Variants in SLC35D4 observed in about 807,000 individuals in gnomAD.
The protein encoded by SLC35D4 is UDP-N-acetylglucosamine transporter SLC35D4.
the SLC35D4 span, among the ~76,000 whole-genome samples, chr18:23,357,081 T>C: frequency 0.01 from 1,523 of 152,294 alleles, 23 homozygotes; most frequent in African/African-American, 0.036. Flanking sequence ...GTCTCCTCTC[T>C]ACCAGGCAGC....
chr18:23,271,176 G>T, the SLC35D4 span, among the ~76,000 whole-genome samples: 527 of 152,296 alleles, frequency 3.5e-3, 4 homozygotes, highest in African/African-American at 0.012. Flanking sequence ...TTTATAAGGG[G>T]AAGTTCCCCT....
chr18:23,276,093 C>CT, the SLC35D4 span, among the ~76,000 whole-genome samples: 4,834 of 148,768 alleles, frequency 0.032, 245 homozygotes, highest in African/African-American at 0.11. Flanking sequence ...AAAAGGGCAC[C>CT]TTTTTTTTTT....
chr18:23,362,597 TCAAA>T, the SLC35D4 span, among the ~76,000 whole-genome samples: 8 of 151,918 alleles, frequency 5.3e-5, no homozygotes, highest in South Asian at 4.2e-4. Context: ...AGACTCTGTC[TCAAA>T]CAAACAAACA....
At chr18:23,356,567 C>T in the SLC35D4 span, 4 of 1,612,178 alleles carry the variant, frequency 2.5e-6, no homozygotes, top group South Asian at 1.1e-5. The surrounding 1 kb of genome is among the most constrained non-coding windows in gnomAD (Gnocchi z 4.1). Flanking sequence ...GCACAGAAAG[C>T]ATACAAATGA....
chr18:23,343,072 G>A, the SLC35D4 span, among the ~76,000 whole-genome samples: 27 of 151,924 alleles, frequency 1.8e-4, no homozygotes, highest in African/African-American at 4.1e-4. Flanking sequence ...ACAGGCGTGC[G>A]CCACCACACC....
At chr18:23,276,874 C>T in the SLC35D4 span, among the ~76,000 whole-genome samples, 3 of 152,186 alleles carry the variant, frequency 2.0e-5, no homozygotes, top group African/African-American at 2.4e-5. Flanking sequence ...ACACGACATG[C>T]ACTCTGCAGG....
the SLC35D4 span, among the ~76,000 whole-genome samples, chr18:23,280,060 A>G: frequency 6.6e-6 from 1 of 152,346 alleles, no homozygotes; most frequent in South Asian, 2.1e-4. Flanking sequence ...CAGCCCTAGG[A>G]AATGAATCCA....
chr18:23,255,890 ATATT>A, the SLC35D4 span, among the ~76,000 whole-genome samples: 2 of 152,132 alleles, frequency 1.3e-5, no homozygotes, highest in Non-Finnish European at 2.9e-5. Context: ...GATGTAACAG[ATATT>A]TATAAAATTA....
the SLC35D4 span, among the ~76,000 whole-genome samples, chr18:23,250,544 T>C: frequency 6.6e-6 from 1 of 152,220 alleles, no homozygotes; most frequent in African/African-American, 2.4e-5. Context: ...AAATAGAGCC[T>C]TTCTTAAAAG....
At chr18:23,244,613 C>A in the SLC35D4 span, among the ~76,000 whole-genome samples, 1 of 152,340 alleles carries the variant, frequency 6.6e-6, no homozygotes, top group African/African-American at 2.4e-5. Context: ...CAGCTGCTTT[C>A]CAGTGCCCAG....
the SLC35D4 span, among the ~76,000 whole-genome samples, chr18:23,350,226 C>A: frequency 6.6e-6 from 1 of 152,338 alleles, no homozygotes; most frequent in Admixed American, 6.5e-5. Flanking sequence ...TAAGCTACAG[C>A]TGCTGATGTC....
At chr18:23,334,815 C>T in the SLC35D4 span, among the ~76,000 whole-genome samples, 1 of 151,896 alleles carries the variant, frequency 6.6e-6, no homozygotes, top group Non-Finnish European at 1.5e-5. Context: ...CCAGCCTGGC[C>T]AACATGGTAA....
At chr18:23,422,032 C>T in the SLC35D4 span, among the ~76,000 whole-genome samples, 2,478 of 152,162 alleles carry the variant, frequency 0.016, 76 homozygotes, top group African/African-American at 0.057. Flanking sequence ...GCCACTGCTT[C>T]TCCCACTGCC....
At chr18:23,313,695 C>T in the SLC35D4 span, among the ~76,000 whole-genome samples, 1 of 152,214 alleles carries the variant, frequency 6.6e-6, no homozygotes, top group Non-Finnish European at 1.5e-5. Context: ...AGTGATCCAC[C>T]TGGTGGTGGG....
chr18:23,426,497 A>G, the SLC35D4 span, among the ~76,000 whole-genome samples: 1 of 152,216 alleles, frequency 6.6e-6, no homozygotes, highest in South Asian at 2.1e-4. Flanking sequence ...ACTACAAACC[A>G]CTGCTCAACA....
chr18:23,410,519 T>C, the SLC35D4 span, among the ~76,000 whole-genome samples: 12 of 144,002 alleles, frequency 8.3e-5, no homozygotes, highest in African/African-American at 2.3e-4. Flanking sequence ...AACTGGGGGC[T>C]GGGGGCTGGG....
the SLC35D4 span, among the ~76,000 whole-genome samples, chr18:23,399,337 C>T: frequency 6.6e-6 from 1 of 152,216 alleles, no homozygotes; most frequent in African/African-American, 2.4e-5. Flanking sequence ...GCCAGCTCCA[C>T]GAATACCATT....
the SLC35D4 span, among the ~76,000 whole-genome samples, chr18:23,324,935 G>A: frequency 1.3e-5 from 2 of 152,168 alleles, no homozygotes; most frequent in African/African-American, 4.8e-5. Context: ...AAAGTCCCAT[G>A]GAGAATCCTA....
At chr18:23,391,734 T>A in the SLC35D4 span, among the ~76,000 whole-genome samples, 2 of 152,172 alleles carry the variant, frequency 1.3e-5, no homozygotes, top group African/African-American at 4.8e-5. Context: ...GCAATTCTCC[T>A]GTCTCAGCCT....
Sources: gnomAD v4.1 joint callset for allele counts (sites outside exome capture counted in the v4.1 genomes callset) on GRCh38, gnomAD v4.1.1 for gene constraint, Gnocchi (gnomAD v3.1) non-coding constraint, MANE v1.5 for transcripts, NCBI Gene and HGNC (gene_info 2026-07-23, HGNC 2026-07-21) for gene names.